The following CLVS1 variants were observed in gnomAD, a reference collection of about 807,000 sequenced individuals.
The protein encoded by CLVS1 is clavesin-1.
CLVS1 carries 10 observed loss-of-function variants against 33.1 expected under a neutral mutation model. The observed-to-expected ratio is 0.30, with a 90% CI of 0.19 to 0.51. The LOEUF is 0.51. Ranked by LOEUF, CLVS1 falls within the 20% of genes least tolerant of loss-of-function variation. The pLI, the probability that CLVS1 is intolerant of heterozygous loss-of-function variation, is 0.97. For missense variants in CLVS1, 343 were observed against 433.4 expected (o/e 0.79, Z 1.85); for synonymous variants, 163 against 166.1 (o/e 0.98, Z 0.14).
chr8:61,233,907 G>A (rs1002076544), intron 2 of CLVS1, among the ~76,000 whole-genome samples: 3 of 152,242 alleles, frequency 2.0e-5, no homozygotes, highest in Non-Finnish European at 4.4e-5. Flanking sequence ...TCTTGTCTCC[G>A]CACATCCAGT....
At position 61,291,563 on chromosome 8, in the gene CLVS1, C is replaced by T. The variant is rs16927151; in HGVS notation, c.-152+3425C>T. On this transcript the variant is annotated intron_variant, in intron 1 of 5. Coordinates refer to ENST00000325897, the MANE Select transcript of CLVS1 (RefSeq NM_173519.3). ...CTGGGAATAGCATGTTGTAGGGGGGCGTGTTAAATTACAGGATCTGTACAT... is the reference window on the plus strand; with the variant it reads ...CTGGGAATAGCATGTTGTAGGGGGGTGTGTTAAATTACAGGATCTGTACAT... Among the ~76,000 whole-genome samples the T allele has an allele frequency of 4.5e-3, 689 of 152,114 alleles. 11 individuals carry two copies. Among genetic ancestry groups the T allele is most frequent in the African/African-American group, 0.016 (660 of 41,486 alleles).
chr8:60,999,165 G>C, the CLVS1 span, among the ~76,000 whole-genome samples: 1 of 152,186 alleles, frequency 6.6e-6, no homozygotes, highest in African/African-American at 2.4e-5. Flanking sequence ...AGGGTGTTTA[G>C]CTCTAAGACG....
chr8:61,078,539 C>T (rs911489653), intron 1 of CLVS1, among the ~76,000 whole-genome samples: 3 of 152,184 alleles, frequency 2.0e-5, no homozygotes, highest in African/African-American at 7.2e-5. Flanking sequence ...CCTGGAATGC[C>T]TGTAAAGCTA....
chr8:61,497,702 A>G (rs1158479543), intron 5 of CLVS1, among the ~76,000 whole-genome samples: 1 of 152,186 alleles, frequency 6.6e-6, no homozygotes, highest in Admixed American at 6.5e-5. Context: ...GGAAGTCCAT[A>G]GAGTAAAGTG....
chr8:61,369,789 T>G (rs1237416667), intron 2 of CLVS1, among the ~76,000 whole-genome samples: 1 of 152,198 alleles, frequency 6.6e-6, no homozygotes, highest in Non-Finnish European at 1.5e-5. Context: ...CCAATCACCT[T>G]TCTCAAGTAC....
intron 5 of CLVS1, among the ~76,000 whole-genome samples, chr8:61,469,660 A>G (rs1226115592): frequency 6.6e-6 from 1 of 152,200 alleles, no homozygotes; most frequent in Non-Finnish European, 1.5e-5. Context: ...AGCAGAGGTA[A>G]TACATCATCA....
intron 2 of CLVS1, among the ~76,000 whole-genome samples, chr8:61,360,746 G>A (rs868349276): frequency 4.1e-4 from 62 of 152,170 alleles, no homozygotes; most frequent in Admixed American, 2.9e-3. Context: ...CACCGATGTG[G>A]AATAATAAAC....
intron 2 of CLVS1, among the ~76,000 whole-genome samples, chr8:61,184,069 C>T (rs997865151): frequency 2.6e-5 from 4 of 152,170 alleles, no homozygotes; most frequent in African/African-American, 7.2e-5. Context: ...CTGACAACCC[C>T]CTGCTGACCC....
intron 1 of CLVS1, among the ~76,000 whole-genome samples, chr8:61,118,535 T>A (rs1009003886): frequency 6.6e-5 from 10 of 151,198 alleles, no homozygotes; most frequent in Admixed American, 1.3e-4. Flanking sequence ...CTCTACACAC[T>A]GCTTTGAATG....
At chr8:61,496,069 T>C (rs1448598903) in intron 5 of CLVS1, among the ~76,000 whole-genome samples, 1 of 152,182 alleles carries the variant, frequency 6.6e-6, no homozygotes, top group Non-Finnish European at 1.5e-5. Flanking sequence ...CTGAGTTGAC[T>C]GTTTAGGGGC....
chr8:61,301,934 T>C (rs2919303), intron 2 of CLVS1, among the ~76,000 whole-genome samples: 97,987 of 152,104 alleles, frequency 0.64, 33,039 homozygotes, highest in East Asian at 0.97. Flanking sequence ...TCCAAAACAT[T>C]ACCTATGAAT....
intron 2 of CLVS1, among the ~76,000 whole-genome samples, chr8:61,207,178 C>G (rs770756983): frequency 1.3e-5 from 2 of 152,252 alleles, no homozygotes; most frequent in African/African-American, 2.4e-5. Context: ...GTAATTCTAA[C>G]TGCAGAGGGA....
At chr8:61,449,532 T>C (rs955941492) in intron 3 of CLVS1, among the ~76,000 whole-genome samples, 43 of 152,204 alleles carry the variant, frequency 2.8e-4, no homozygotes, top group Admixed American at 2.2e-3. Flanking sequence ...TTTGCTAGCA[T>C]GGTTAGGAAG....
At chr8:61,460,547 A>G (rs1817334261) in intron 5 of CLVS1, among the ~76,000 whole-genome samples, 1 of 152,200 alleles carries the variant, frequency 6.6e-6, no homozygotes, top group African/African-American at 2.4e-5. Flanking sequence ...ATAATTTCCT[A>G]TTGAAACTCT....
At chr8:61,166,131 T>A (rs1806861221) in intron 2 of CLVS1, among the ~76,000 whole-genome samples, 1 of 125,948 alleles carries the variant, frequency 7.9e-6, no homozygotes, top group Non-Finnish European at 1.6e-5. Context: ...TTATTTATTT[T>A]ATTTTTTTTT....
intron 3 of CLVS1, among the ~76,000 whole-genome samples, chr8:61,421,899 C>T (rs771108984): frequency 5.9e-5 from 9 of 152,176 alleles, no homozygotes; most frequent in Non-Finnish European, 1.0e-4. Flanking sequence ...AAAGCAGACT[C>T]CTTCATGGGA....
chr8:61,435,776 C>G (rs1194412257), intron 3 of CLVS1, among the ~76,000 whole-genome samples: 2 of 151,932 alleles, frequency 1.3e-5, no homozygotes, highest in Admixed American at 1.3e-4. Flanking sequence ...AAAATAAAGG[C>G]AGAAAATTTT....
At position 61,199,407 on chromosome 8, in the gene CLVS1, GA is replaced by G. The variant is rs1239279370; in HGVS notation, c.-152+67555del. Among the ~76,000 whole-genome samples, 6 of 151,226 alleles carry G rather than the reference GA, an allele frequency of 4.0e-5. No individual in the cohort carries two copies. In the South Asian group the frequency reaches 6.3e-4, roughly 16 times the overall value. On this transcript the variant is annotated intron_variant, in intron 2 of 2. Coordinates refer to the CLVS1 transcript ENST00000522621. ...ATCTATAAGGAACTCAAACAAATTA[GA>G]AAAAAAATACAAATAATTCCATTAA...
chr8:61,033,429 G>A, the CLVS1 span, among the ~76,000 whole-genome samples: 13 of 45,474 alleles, frequency 2.9e-4, no homozygotes, highest in Non-Finnish European at 8.2e-4. Flanking sequence ...CATGAAGTCC[G>A]CTGTCATCCC....
Sources: gnomAD v4.1 joint callset for allele counts (sites outside exome capture counted in the v4.1 genomes callset) on GRCh38, gnomAD v4.1.1 for gene constraint, MANE v1.5 for transcripts, NCBI Gene and HGNC (gene_info 2026-07-23, HGNC 2026-07-21) for gene names.